Variants in CDH13 observed in about 807,000 individuals in gnomAD.
CDH13 encodes cadherin-13.
A neutral mutation model predicts 63.8 loss-of-function variants in CDH13; 24 were observed. The ratio of observed to expected loss-of-function variants is 0.38; its 90% CI spans 0.27 to 0.53. The LOEUF (loss-of-function observed/expected upper bound fraction) is 0.53. Ranked by LOEUF, CDH13 falls within the 20% of genes least tolerant of loss-of-function variation. CDH13 has a pLI of 0.85. For missense variants in CDH13, 1,049 were observed against 903.1 expected, an observed-to-expected ratio of 1.16 and a Z score of -2.07; for synonymous variants, 503 against 355.3, an observed-to-expected ratio of 1.42 and a Z score of -4.67.
chr16:82,720,529 C>T (rs1246970149), intron 1 of CDH13, among the ~76,000 whole-genome samples: 1 of 152,090 alleles, frequency 6.6e-6, no homozygotes, highest in African/African-American at 2.4e-5. Flanking sequence ...CACACTCACT[C>T]ATACTGGGGC....
At chr16:83,278,575 A>T (rs959871678) in intron 5 of CDH13, among the ~76,000 whole-genome samples, 3 of 152,196 alleles carry the variant, frequency 2.0e-5, no homozygotes, top group Non-Finnish European at 2.9e-5. Context: ...AACATACAAC[A>T]GGCTCTGGAG....
At chr16:82,812,817 TCCTTCCTTCCTC>T (rs1256918211) in intron 1 of CDH13, among the ~76,000 whole-genome samples, 12 of 152,072 alleles carry the variant, frequency 7.9e-5, no homozygotes, top group Middle Eastern at 3.4e-3. Context: ...CCTTTTTCCT[TCCTTCCTTCCTC>T]CCTTCCTTCC....
At chr16:82,717,521 G>A (rs2032462506) in intron 1 of CDH13, among the ~76,000 whole-genome samples, 1 of 151,580 alleles carries the variant, frequency 6.6e-6, no homozygotes, top group Non-Finnish European at 1.5e-5. Context: ...CAATGGGCTA[G>A]AGGCAAGTTG....
intron 2 of CDH13, among the ~76,000 whole-genome samples, chr16:82,961,109 C>A (rs1837092008): frequency 6.6e-6 from 1 of 152,202 alleles, no homozygotes; most frequent in African/African-American, 2.4e-5. Flanking sequence ...CCCACACCCC[C>A]TGAGCTGGCG....
chr16:83,650,987 G>C (rs1341453045), intron 8 of CDH13, among the ~76,000 whole-genome samples: 1 of 151,886 alleles, frequency 6.6e-6, no homozygotes, highest in Non-Finnish European at 1.5e-5. Context: ...TGCAGTCCCA[G>C]CTACTCTGGG....
intron 3 of CDH13, among the ~76,000 whole-genome samples, chr16:83,044,406 A>T (rs1455220806): frequency 6.6e-6 from 1 of 152,268 alleles, no homozygotes; most frequent in Non-Finnish European, 1.5e-5. Context: ...GAGCTGAGCA[A>T]AACTCCTAAA....
At chr16:83,052,091 C>G (rs143948205) in intron 3 of CDH13, among the ~76,000 whole-genome samples, 196 of 152,240 alleles carry the variant, frequency 1.3e-3, no homozygotes, top group Non-Finnish European at 2.2e-3. Context: ...CTAACTATAT[C>G]ATGCATTCTC....
intron 6 of CDH13, among the ~76,000 whole-genome samples, chr16:83,390,944 G>C (rs866273268): frequency 2.0e-5 from 3 of 152,170 alleles, no homozygotes; most frequent in Non-Finnish European, 2.9e-5. Flanking sequence ...CTGGCTCTTA[G>C]CAGGCCAGCT....
intron 4 of CDH13, among the ~76,000 whole-genome samples, chr16:83,138,391 A>G (rs1177236816): frequency 6.6e-6 from 1 of 152,042 alleles, no homozygotes; most frequent in Non-Finnish European, 1.5e-5. Context: ...AAAAATCGAG[A>G]AGGCAGAAGA....
chr16:83,430,321 T>TAC (rs1433172721), intron 6 of CDH13, among the ~76,000 whole-genome samples: 2 of 152,008 alleles, frequency 1.3e-5, no homozygotes, highest in Non-Finnish European at 2.9e-5. Context: ...AATGGAGAAA[T>TAC]ACACACACAT....
chr16:82,836,199 A>C (rs549005394), intron 1 of CDH13, among the ~76,000 whole-genome samples: 43 of 152,238 alleles, frequency 2.8e-4, no homozygotes, highest in Middle Eastern at 3.4e-3. Flanking sequence ...CCCAGGCTGG[A>C]GTGCAGTGGC....
At chr16:83,733,950 A>T (rs1452015596) in intron 10 of CDH13, among the ~76,000 whole-genome samples, 1 of 152,192 alleles carries the variant, frequency 6.6e-6, no homozygotes, top group Non-Finnish European at 1.5e-5. Flanking sequence ...TGAGGGCCTT[A>T]TCAGAAACTC....
At chr16:83,105,058 G>C (rs946279235) in intron 3 of CDH13, among the ~76,000 whole-genome samples, 4 of 151,988 alleles carry the variant, frequency 2.6e-5, no homozygotes, top group Non-Finnish European at 5.9e-5. Context: ...GTGCAGGTTT[G>C]TTACATAGGT....
intron 2 of CDH13, among the ~76,000 whole-genome samples, chr16:82,947,968 G>C (rs558369011): frequency 4.7e-4 from 72 of 152,238 alleles, no homozygotes; most frequent in African/African-American, 1.7e-3. Flanking sequence ...GTAATAGAAA[G>C]GACCATATTG....
chr16:83,292,015 T>C (rs2089477926), intron 5 of CDH13, among the ~76,000 whole-genome samples: 1 of 152,198 alleles, frequency 6.6e-6, no homozygotes, highest in South Asian at 2.1e-4. Context: ...TAATTTGTAA[T>C]GTCCTTGAGG....
At chr16:83,048,053 G>T (rs902376834) in intron 3 of CDH13, among the ~76,000 whole-genome samples, 2 of 152,196 alleles carry the variant, frequency 1.3e-5, no homozygotes, top group East Asian at 3.8e-4. Context: ...CAGTAAAGTA[G>T]ATTCAGGTTG....
At chr16:83,296,794 A>T (rs1394978037) in intron 5 of CDH13, among the ~76,000 whole-genome samples, 1 of 152,228 alleles carries the variant, frequency 6.6e-6, no homozygotes, top group African/African-American at 2.4e-5. Context: ...GATTGCATGT[A>T]CACCCAATAA....
chr16:83,275,231 C>A (rs1323247521), intron 5 of CDH13, among the ~76,000 whole-genome samples: 1 of 152,156 alleles, frequency 6.6e-6, no homozygotes, highest in Non-Finnish European at 1.5e-5. Context: ...GATGCTGGGC[C>A]ACATAACTTG....
chr16:83,783,718 G>T (rs1392213764), intron 13 of CDH13, among the ~76,000 whole-genome samples: 1 of 152,202 alleles, frequency 6.6e-6, no homozygotes, highest in Non-Finnish European at 1.5e-5. Flanking sequence ...TTGCTAGCCT[G>T]CAAACTAGGT....
Sources: allele counts gnomAD v4.1 joint callset (sites outside exome capture counted in the v4.1 genomes callset), GRCh38; gene constraint gnomAD v4.1.1; transcripts MANE v1.5; gene names NCBI Gene and HGNC (gene_info 2026-07-23, HGNC 2026-07-21).